MAN2B1: variants seen among roughly 807,000 people sequenced by gnomAD.
MAN2B1 encodes lysosomal alpha-mannosidase.
In MAN2B1, 99 loss-of-function variants were observed where a neutral mutation model predicts 127.5. The ratio of observed to expected loss-of-function variants is 0.78; its 90% confidence interval spans 0.66 to 0.92. The LOEUF is 0.92. Among genes scored for constraint, MAN2B1 ranks in the 40% least tolerant of loss-of-function variants. MAN2B1 has a pLI of 0.00. For synonymous variants in MAN2B1, 573 were observed against 568.8 expected (o/e 1.01, Z -0.11); for missense variants, 1,304 against 1,384.8 (o/e 0.94, Z 0.93).
At chr19:12,661,852 A>AT (rs932588962) in intron 6 of MAN2B1, among the ~76,000 whole-genome samples, 8 of 148,576 alleles carry the variant, frequency 5.4e-5, no homozygotes, top group African/African-American at 5.0e-5. Context: ...ATCTAAAACA[A>AT]TTTTTTTTTT....
Position 12,664,982 on chromosome 19 carries a change from C to T in MAN2B1, c.440G>A (p.Arg147His), listed in dbSNP as rs1235442068. 7 of 1,613,206 alleles carry T rather than the reference C, an allele frequency of 4.3e-6. No individual in the cohort carries two copies. Among genetic ancestry groups the T allele is most frequent in the Middle Eastern group, 1.7e-4 (1 of 6,060 alleles). ...CCAGCCACCATTGGCGAACTCCAGGCGCCCTGTGCCAGGACAGGCAAGGTC... is the reference window on the plus strand; with the variant it reads ...CCAGCCACCATTGGCGAACTCCAGGTGCCCTGTGCCAGGACAGGCAAGGTC... ...EVVRDLVRQG[R>H]LEFANGGWVM... The change falls in exon 4 of 24, where the codon CGC becomes CAC. Residue 147 changes from arginine (R) to histidine (H), a missense_variant. By Grantham distance (29) the Arg-to-His change is conservative (BLOSUM62 0). Transcript: ENST00000456935.
intron 14 of MAN2B1, among the ~76,000 whole-genome samples, chr19:12,652,689 GC>G (rs1568300823): frequency 6.6e-6 from 1 of 151,110 alleles, no homozygotes; most frequent in African/African-American, 2.4e-5. Context: ...CCACCACCCC[GC>G]CTGGCTAATT....
At chr19:12,660,931 G>C (rs1407422254) in intron 7 of MAN2B1, 1 of 347,120 alleles carries the variant, frequency 2.9e-6, no homozygotes, top group Non-Finnish European at 5.7e-6. Context: ...GCTAATTTCT[G>C]TATTTTTAGT....
chr19:12,657,190 C>A, intron 11 of MAN2B1, 134 bp from the exon 12 acceptor site: 1 of 725,050 alleles, frequency 1.4e-6, no homozygotes, highest in Non-Finnish European at 2.5e-6. Flanking sequence ...TCTAGCCCCA[C>A]CCTGCTGCCC....
At position 12,648,277 on chromosome 19, in the gene MAN2B1, G is replaced by C. The variant is rs10410289; in HGVS notation, c.2562C>G (p.Ala854=). Reference sequence around the variant, plus strand: ...CCTGCTCCGCCAGGAGCCGGTGTCCGGCGGCTGCAGCCTGGGCTGTGTCCA... The same window carrying C: ...CCTGCTCCGCCAGGAGCCGGTGTCCCGCGGCTGCAGCCTGGGCTGTGTCCA... ...VLLDTAQAAA[A]GHRLLAEQEV... is the part of the protein sequence containing the mutation. The change falls in exon 21 of 24, where the codon GCC becomes GCG. Residue 854 remains alanine (A), a synonymous_variant. Transcript: ENST00000456935. 1.9e-3 allele frequency: 3,124 copies of C among 1,609,698 alleles called. 44 individuals are homozygous for C. The African/African-American group carries it at 0.033, about 17-fold the overall frequency.
intron 10 of MAN2B1, 57 bp downstream of exon 10, chr19:12,658,006 A>C: frequency 9.4e-7 from 1 of 1,068,628 alleles, no homozygotes; most frequent in Non-Finnish European, 1.4e-6. Flanking sequence ...GGGGCGGCCT[A>C]GGGGTGGTTT....
In MAN2B1 at chr19:12,648,293, G is replaced by T; in HGVS notation, c.2546C>A (p.Ala849Asp). The T allele has an allele frequency of 6.2e-7, 1 of 1,612,274 alleles. No individual in the cohort carries two copies. ...RGRHLVLLDT[A>D]QAAAAGHRLL... Reference sequence around the variant, plus strand: ...CCGGTGTCCGGCGGCTGCAGCCTGGGCTGTGTCCAGCAGCACCAGGTGGCG... The same window carrying T: ...CCGGTGTCCGGCGGCTGCAGCCTGGTCTGTGTCCAGCAGCACCAGGTGGCG... Residue 849 changes from alanine (A) to aspartate (D), a missense_variant, in exon 21 of 24, where the codon GCC becomes GAC. Coordinates refer to ENST00000456935, the MANE Select transcript of MAN2B1 (RefSeq NM_000528.4).
intron 12 of MAN2B1, 117 bp from the exon 13 acceptor site, chr19:12,656,804 GC>G (rs2023972481): frequency 9.6e-7 from 1 of 1,046,652 alleles, no homozygotes; most frequent in Non-Finnish European, 1.5e-6. Context: ...TTAAGGCCAA[GC>G]CCCCTCGAGA....
At chr19:12,657,099 G>T in intron 11 of MAN2B1, 43 bp from the exon 12 acceptor site, 1 of 1,158,278 alleles carries the variant, frequency 8.6e-7, no homozygotes, top group Non-Finnish European at 1.3e-6. Flanking sequence ...AGGACGCCAG[G>T]CCTGACTCCT....
Position 12,657,504 on chromosome 19 carries a change from CG to C in MAN2B1, c.1360del (p.Arg454AlafsTer23). On this transcript the variant is annotated frameshift_variant, in exon 11 of 24. Coordinates refer to ENST00000456935, the MANE Select transcript of MAN2B1 (RefSeq NM_000528.4). LOFTEE classifies it high-confidence loss of function. The stretch of plus-strand genomic sequence containing the variant: ...CGCGTAGTCGTTGGCCACGTGCTGG[CG>C]GGAGGTGCCGCTGACGGCGTCGTGA... ...QHHDAVSGTS[R>X]QHVANDYARQ... 1 of 1,569,546 alleles carries C rather than the reference CG, an allele frequency of 6.4e-7. No individual in the cohort carries two copies. Among genetic ancestry groups the C allele is most frequent in the Non-Finnish European group, 8.6e-7 (1 of 1,157,848 alleles).
Position 12,665,333 on chromosome 19 carries a change from T to C in MAN2B1, c.436+19A>G. On this transcript the variant is annotated intron_variant, in intron 3 of 23. Transcript: ENST00000456935. The stretch of plus-strand genomic sequence containing the variant: ...GCTGGGCTGGGCTTCCTCTTTTCAC[T>C]TCCTTGGGGTAGGCTCACCCTGGCG... 1.2e-6 allele frequency: 2 copies of C among 1,601,644 alleles called. No individual in the cohort carries two copies. Among genetic ancestry groups the C allele is most frequent in the Non-Finnish European group, 1.7e-6 (2 of 1,179,902 alleles).
intron 11 of MAN2B1, 39 bp downstream of exon 11, chr19:12,657,407 G>C (rs1321846568): frequency 8.6e-6 from 13 of 1,517,078 alleles, no homozygotes; most frequent in Non-Finnish European, 1.2e-5. Context: ...GCCCCTTCCT[G>C]TCTCCACCCC....
chr19:12,651,110 A>G (rs917309654), intron 16 of MAN2B1, among the ~76,000 whole-genome samples: 8 of 151,956 alleles, frequency 5.3e-5, no homozygotes, highest in Admixed American at 3.9e-4. Flanking sequence ...TACAGGCATG[A>G]GCCACTGCAT....
intron 10 of MAN2B1, 89 bp from the exon 11 acceptor site, chr19:12,657,644 A>G: frequency 2.6e-6 from 3 of 1,158,264 alleles, no homozygotes; most frequent in Non-Finnish European, 3.8e-6. Context: ...GGCGGGCAGG[A>G]TTCTTAGAGG....
chr19:12,656,752 G>T, intron 12 of MAN2B1, 65 bp from the exon 13 acceptor site: 2 of 1,248,718 alleles, frequency 1.6e-6, no homozygotes, highest in South Asian at 1.2e-5. Context: ...CACCCACTTT[G>T]CACAGAAACA....
intron 21 of MAN2B1, 74 bp downstream of exon 21, chr19:12,648,101 G>A (rs2023738260): frequency 1.4e-6 from 2 of 1,404,976 alleles, no homozygotes; most frequent in African/African-American, 1.4e-5. Flanking sequence ...CTGAGCCTAG[G>A]AAACTCCGCA....
intron 18 of MAN2B1, 65 bp from the exon 19 acceptor site, chr19:12,649,493 T>TTTTTTTTTTTTG (rs2023787647): frequency 1.1e-6 from 1 of 884,536 alleles, no homozygotes; most frequent in Admixed American, 2.5e-5. Flanking sequence ...TTTTTTTTTT[T>TTTTTTTTTTTTG]TTTTTTGAGA....
intron 10 of MAN2B1, 68 bp from the exon 11 acceptor site, chr19:12,657,623 G>T (rs2024000376): frequency 7.4e-7 from 1 of 1,346,342 alleles, no homozygotes. Flanking sequence ...GGAAGCGAAA[G>T]GTCCGGTGCT....
At chr19:12,651,640 TGA>T (rs138320644) in intron 16 of MAN2B1, among the ~76,000 whole-genome samples, 2,596 of 152,308 alleles carry the variant, frequency 0.017, 87 homozygotes, top group East Asian at 0.14. Flanking sequence ...TGGACAAATG[TGA>T]GTTTTGTCAT....
Sources: gnomAD v4.1 joint callset for allele counts (sites outside exome capture counted in the v4.1 genomes callset) on GRCh38, gnomAD v4.1.1 for gene constraint, MANE v1.5 for transcripts, NCBI Gene and HGNC (gene_info 2026-07-23, HGNC 2026-07-21) for gene names.